Variants in CFAP410 observed in about 807,000 individuals in gnomAD.
CFAP410 encodes the protein cilia- and flagella-associated protein 410.
Under a neutral mutation model 25.7 loss-of-function variants are expected in CFAP410, and 27 were observed. The ratio of observed to expected loss-of-function variants is 1.05; its 90% CI spans 0.77 to 1.45. The LOEUF (loss-of-function observed/expected upper bound fraction) is 1.45. CFAP410 is among the 40% of genes most tolerant of loss of function. The probability of loss-of-function intolerance (pLI) is 0.00; values close to 1 mark genes in which losing one functional copy is unlikely to be tolerated. For synonymous variants in CFAP410, 178 were observed against 158.4 expected (o/e 1.12, Z -0.93); for missense variants, 428 against 354.1 (o/e 1.21, Z -1.67).
intron 2 of CFAP410, among the ~76,000 whole-genome samples, chr21:44,336,321 A>G (rs2146081761): frequency 6.6e-6 from 1 of 152,344 alleles, no homozygotes; most frequent in African/African-American, 2.4e-5. Context: ...CAGTGGAGAC[A>G]GAGCATTCAT....
At chr21:44,332,820 G>C in intron 4 of CFAP410, 1 of 581,626 alleles carries the variant, frequency 1.7e-6, no homozygotes, top group East Asian at 2.8e-5. Context: ...TCAGTCCCAG[G>C]AGGGACCCTA....
At position 44,329,955 on chromosome 21, in the gene CFAP410, C is replaced by T. The variant is rs2146052061; in HGVS notation, c.*243G>A. On this transcript the variant is annotated 3_prime_UTR_variant, in exon 7 of 7. Transcript: ENST00000339818. ...AAATCCTCCCTTTAAGAGCCCAGGC[C>T]AGCCTAGAACCTCCAGACCACAGAA... 4.0e-6 allele frequency: 2 copies of T among 500,894 alleles called. No individual in the cohort carries two copies. The highest frequency in any genetic ancestry group is 2.0e-5 in the African/African-American group (1 of 50,242). 31.0% of individuals were successfully genotyped at this position (500,894 alleles called of 1,614,324 possible).
At chr21:44,335,924 C>G (rs770901182) in intron 2 of CFAP410, 120 bp from the exon 3 acceptor site, 2 of 752,296 alleles carry the variant, frequency 2.7e-6, no homozygotes, top group Non-Finnish European at 4.6e-6. Context: ...CTGAGGGGCA[C>G]GGCCTTACTC....
intron 6 of CFAP410, chr21:44,330,586 C>T (rs1457451788): frequency 1.3e-6 from 2 of 1,549,876 alleles, no homozygotes; most frequent in Admixed American, 2.0e-5. Flanking sequence ...CAGACCAGGA[C>T]AGCAGGAGAG....
At chr21:44,338,754 C>T in intron 1 of CFAP410, 2 of 132,406 alleles carry the variant, frequency 1.5e-5, no homozygotes, top group African/African-American at 5.8e-5. Context: ...CTCCCCCCTT[C>T]CACTCCGCCC....
rs763468317 is a variant in CFAP410 at position 44,330,130 on chromosome 21, C to T, written c.*68G>A. 8.6e-6 allele frequency: 13 copies of T among 1,504,232 alleles called. No homozygotes were observed. The highest frequency in any genetic ancestry group is 1.2e-5 in the Non-Finnish European group (13 of 1,123,948). The allele number at this position is 1,504,232 out of a possible 1,614,324, so 93.2% of individuals were successfully genotyped here. ...GGCTGCGGCCATGGCAGCCACCCTC[C>T]AGCTCCCGGGGGCTGGGGAAGACGC... On this transcript the variant is annotated 3_prime_UTR_variant, in exon 7 of 7. Coordinates refer to ENST00000339818, the MANE Select transcript of CFAP410 (RefSeq NM_004928.3).
chr21:44,331,553 A>G, intron 5 of CFAP410: 1 of 429,996 alleles, frequency 2.3e-6, no homozygotes, highest in Non-Finnish European at 4.2e-6. Context: ...GCACCTCACG[A>G]GCTCTGGTGC....
rs746594475 is a variant in CFAP410, at chr21:44,332,009, T to C, written c.379A>G (p.Thr127Ala). The C allele has an allele frequency of 8.8e-6, 14 of 1,598,676 alleles. No individual in the cohort carries two copies. In the African/African-American group the frequency reaches 1.8e-4, roughly 20 times the overall value. The change falls in exon 5 of 7, where the codon ACG (threonine) becomes GCG (alanine). Residue 127 changes from threonine (T) to alanine (A), a missense_variant. Thr to Ala is a moderately conservative substitution (Grantham distance 58, BLOSUM62 0). Transcript: ENST00000339818. ...AGTGCACGGGACAGCTCCTCCTCCGTCACAGCTTTGGGATGAAAGACAGAA... is the reference window on the plus strand; with the variant it reads ...AGTGCACGGGACAGCTCCTCCTCCGCCACAGCTTTGGGATGAAAGACAGAA... ...RLQKLDNQAV[T>A]EEELSRALSE... is the part of the protein sequence containing the mutation.
rs1323543562 is a variant in CFAP410, at chr21:44,330,080, CG to C, written c.*117del. 3 of 1,231,590 alleles carry C rather than the reference CG, an allele frequency of 2.4e-6. No individual in the cohort carries two copies. The highest frequency in any genetic ancestry group is 1.4e-5 in the South Asian group (1 of 69,246). The allele number at this position is 1,231,590 out of a possible 1,614,324, so 76.3% of individuals were successfully genotyped here. A position where few individuals can be genotyped will look rare whatever the true frequency, so the allele number is the denominator to read the frequency against. On this transcript the variant is annotated 3_prime_UTR_variant, in exon 7 of 7. Coordinates refer to ENST00000339818, the MANE Select transcript of CFAP410 (RefSeq NM_004928.3). ...CCTGCCCTCGGCCGATGTGGCAAAC[CG>C]GGGAGGCTTTTGTGTGGGGCCGGGG...
At chr21:44,332,848 C>T (rs778129633) in intron 4 of CFAP410, 185 bp downstream of exon 4, 12 of 604,754 alleles carry the variant, frequency 2.0e-5, no homozygotes, top group African/African-American at 5.6e-5. Flanking sequence ...CTGCTGCATT[C>T]GGGTGGCGGG....
At position 44,333,132 on chromosome 21, in the gene CFAP410, G is replaced by C; in HGVS notation, c.274C>G (p.Leu92Val). Residue 92 changes from leucine (L) to valine (V), a missense_variant, in exon 4 of 7, where the codon CTG becomes GTG. Coordinates refer to ENST00000339818, the MANE Select transcript of CFAP410 (RefSeq NM_004928.3). Reference protein sequence around the residue: ...YLKGLPRLRVLWLAENPCCGT... With the variant: ...YLKGLPRLRVVWLAENPCCGT... ...CAGCACGGGTTCTCGGCCAGCCACAGCACCCGCAGACGCGGCAGCCCCTTC... is the reference window on the plus strand; with the variant it reads ...CAGCACGGGTTCTCGGCCAGCCACACCACCCGCAGACGCGGCAGCCCCTTC... 6.2e-7 allele frequency: 1 copy of C among 1,612,044 alleles called. No individual in the cohort carries two copies. Among genetic ancestry groups the C allele is most frequent in the East Asian group, 2.2e-5 (1 of 44,856 alleles).
rs2047658092 is a variant in CFAP410 at position 44,331,986 on chromosome 21, T to C, written c.402A>G (p.Ala134=). 1 of 1,609,864 alleles carries C rather than the reference T, an allele frequency of 6.2e-7. No individual in the cohort carries two copies. Among genetic ancestry groups the C allele is most frequent in the Non-Finnish European group, 8.5e-7 (1 of 1,178,182 alleles). ...CAGTGATCTCCTCTCCCTCACTCAG[T>C]GCACGGGACAGCTCCTCCTCCGTCA... The part of the protein sequence containing the change: ...QAVTEEELSR[A]LSEGEEITAA... Residue 134 remains alanine, a synonymous_variant, in exon 5 of 7, where the codon GCA becomes GCG. Coordinates refer to ENST00000339818, the MANE Select transcript of CFAP410 (RefSeq NM_004928.3).
chr21:44,339,221 G>C lies in CFAP410; in HGVS notation c.-27C>G, dbSNP rs1000695004. On this transcript the variant is annotated 5_prime_UTR_variant, in exon 1 of 7. Transcript: ENST00000339818. ...GCGGCCGCCCAGGCCCGACCGGCGG[G>C]CGCCCCCGGCCTCCTGATCCCGGGC... is the stretch of plus-strand genomic sequence containing the variant. 2.1e-6 allele frequency: 3 copies of C among 1,401,194 alleles called. No individual in the cohort carries two copies. Among genetic ancestry groups the C allele is most frequent in the Middle Eastern group, 2.0e-4 (1 of 5,110 alleles). 86.8% of individuals were successfully genotyped at this position (1,401,194 alleles called of 1,614,324 possible). A position where few individuals can be genotyped will look rare whatever the true frequency, so the allele number is the denominator to read the frequency against.
At chr21:44,333,506 C>T (rs2047691457) in intron 3 of CFAP410, 1 of 579,788 alleles carries the variant, frequency 1.7e-6, no homozygotes, top group Non-Finnish European at 3.1e-6. Context: ...CCCCTTGGCC[C>T]GACGCTCCAC....
chr21:44,334,201 G>A (rs1415892298), intron 3 of CFAP410: 3 of 456,322 alleles, frequency 6.6e-6, no homozygotes, highest in Non-Finnish European at 8.8e-6. Flanking sequence ...CAGGCACCAC[G>A]CACCTGAGCT....
rs534722715 is a variant in CFAP410 at position 44,329,912 on chromosome 21, T to G, written c.*286A>C. 1.4e-4 allele frequency: 55 copies of G among 389,304 alleles called. 1 individual carries two copies. Among genetic ancestry groups the G allele is most frequent in the Middle Eastern group, 6.8e-4 (1 of 1,468 alleles). 24.1% of individuals were successfully genotyped at this position (389,304 alleles called of 1,614,324 possible). On this transcript the variant is annotated 3_prime_UTR_variant, in exon 7 of 7. Coordinates refer to ENST00000339818, the MANE Select transcript of CFAP410 (RefSeq NM_004928.3). ...GATCAACCTTGGGAAAATCTTTTATTAGGGAGGACAGCCTGCAAAATCCTC... is the reference window on the plus strand; with the variant it reads ...GATCAACCTTGGGAAAATCTTTTATGAGGGAGGACAGCCTGCAAAATCCTC...
chr21:44,338,829 C>A (rs1159535443), intron 1 of CFAP410: 1 of 122,958 alleles, frequency 8.1e-6, no homozygotes, highest in African/African-American at 3.3e-5. Flanking sequence ...CTCCTCCCTC[C>A]GGCTCCGCCC....
chr21:44,335,600 A>G (rs1366017533), intron 3 of CFAP410, 158 bp downstream of exon 3: 1 of 640,104 alleles, frequency 1.6e-6, no homozygotes, highest in Non-Finnish European at 2.8e-6. Context: ...GGGTAGGCCC[A>G]GCTCTCGCTG....
chr21:44,335,910 G>A (rs1036438349), intron 2 of CFAP410, 106 bp from the exon 3 acceptor site: 4 of 821,946 alleles, frequency 4.9e-6, no homozygotes, highest in African/African-American at 3.4e-5. Flanking sequence ...CCCACTTCCG[G>A]GGCCTGAGGG....
Sources: allele counts gnomAD v4.1 joint callset (sites outside exome capture counted in the v4.1 genomes callset), GRCh38; gene constraint gnomAD v4.1.1; transcripts MANE v1.5; gene names NCBI Gene and HGNC (gene_info 2026-07-23, HGNC 2026-07-21).